Variants in SPATA13 observed in about 807,000 individuals in gnomAD.
The protein encoded by SPATA13 is spermatogenesis associated 13, also known as spermatogenesis-associated protein 13.
Under a neutral mutation model 104.0 loss-of-function variants are expected in SPATA13, and 50 were observed. The ratio of observed to expected loss-of-function variants is 0.48; its 90% CI spans 0.38 to 0.61. SPATA13 has a LOEUF of 0.61. Among genes scored for constraint, SPATA13 ranks in the 20% least tolerant of loss-of-function variants. The pLI is 0.00. For synonymous variants in SPATA13, 606 were observed against 667.5 expected, an observed-to-expected ratio of 0.91 and a Z score of 1.42; for missense variants, 1,524 against 1,690.6, an observed-to-expected ratio of 0.90 and a Z score of 1.73.
intron 3 of SPATA13, among the ~76,000 whole-genome samples, chr13:24,035,631 A>T (rs759312440): frequency 2.6e-5 from 4 of 152,216 alleles, no homozygotes; most frequent in Non-Finnish European, 5.9e-5. Flanking sequence ...CCTGATTCAC[A>T]GGAGGCGTGT....
At chr13:24,035,665 T>C (rs1185075536) in intron 3 of SPATA13, among the ~76,000 whole-genome samples, 20 of 152,180 alleles carry the variant, frequency 1.3e-4, no homozygotes, top group Admixed American at 1.3e-3. Flanking sequence ...TTAGTTTATA[T>C]AAAGCAATGG....
At position 24,294,803 on chromosome 13, in the gene SPATA13, C is replaced by T. The variant is rs770141276; in HGVS notation, c.3145C>T (p.Arg1049Cys). The part of the protein sequence containing the change: ...MKNVACLINE[R>C]KRKLESIDKI... ...GAATGTGGCCTGTCTGATCAACGAG[C>T]GCAAGCGCAAGCTGGAGAGCATCGA... is the stretch of plus-strand genomic sequence containing the variant. The change falls in exon 10 of 13, where the codon CGC becomes TGC. Residue 1049 changes from arginine to cysteine, a missense_variant. Coordinates refer to ENST00000382108, the MANE Select transcript of SPATA13 (RefSeq NM_001166271.3). The T allele has an allele frequency of 1.2e-5, 19 of 1,611,282 alleles. No individual in the cohort carries two copies. The highest frequency in any genetic ancestry group is 5.3e-5 in the African/African-American group (4 of 74,906).
intron 3 of SPATA13, among the ~76,000 whole-genome samples, chr13:24,089,829 G>T (rs1448472233): frequency 6.6e-6 from 1 of 152,214 alleles, no homozygotes; most frequent in African/African-American, 2.4e-5. Flanking sequence ...GGAAGTCCAA[G>T]ATCAGAGCAC....
At chr13:24,193,149 C>G (rs547848386) in intron 1 of SPATA13, among the ~76,000 whole-genome samples, 6 of 152,254 alleles carry the variant, frequency 3.9e-5, no homozygotes, top group Non-Finnish European at 7.4e-5. Flanking sequence ...CTTCAGGAAG[C>G]TTTGTCTGGC....
At chr13:24,065,442 G>A (rs1258344319) in intron 3 of SPATA13, among the ~76,000 whole-genome samples, 1 of 152,158 alleles carries the variant, frequency 6.6e-6, no homozygotes, top group Non-Finnish European at 1.5e-5. Flanking sequence ...AGTCATAGAT[G>A]CTCTGGAAAT....
intron 11 of SPATA13, among the ~76,000 whole-genome samples, chr13:24,300,016 C>T (rs892733053): frequency 7.2e-5 from 11 of 152,294 alleles, no homozygotes; most frequent in African/African-American, 2.4e-4. Context: ...GCTCTCATAG[C>T]GTATGGGTGA....
chr13:24,111,989 A>G (rs989871841), intron 3 of SPATA13, among the ~76,000 whole-genome samples: 15 of 152,162 alleles, frequency 9.9e-5, no homozygotes, highest in Admixed American at 6.5e-5. Context: ...GATCGTTTTG[A>G]ATTGGATAAA....
At chr13:24,107,560 A>C (rs1218087558) in intron 3 of SPATA13, among the ~76,000 whole-genome samples, 1 of 152,092 alleles carries the variant, frequency 6.6e-6, no homozygotes, top group East Asian at 1.9e-4. Context: ...GAGAAAAATC[A>C]CCTCCTCACC....
At chr13:24,265,027 C>T (rs1874230841) in intron 4 of SPATA13, among the ~76,000 whole-genome samples, 1 of 152,142 alleles carries the variant, frequency 6.6e-6, no homozygotes, top group South Asian at 2.1e-4. Context: ...CACATTGCTC[C>T]AAGGTGAAAG....
chr13:24,151,128 A>G (rs1882088827), intron 3 of SPATA13, among the ~76,000 whole-genome samples: 1 of 152,250 alleles, frequency 6.6e-6, no homozygotes, highest in African/African-American at 2.4e-5. Context: ...GCTTGCCCCA[A>G]ATCACACAGT....
At chr13:24,185,283 G>T (rs764928385) in intron 1 of SPATA13, among the ~76,000 whole-genome samples, 3 of 152,122 alleles carry the variant, frequency 2.0e-5, no homozygotes, top group Non-Finnish European at 2.9e-5. Context: ...AAGTTTTACT[G>T]CTTGCTTTAT....
intron 4 of SPATA13, among the ~76,000 whole-genome samples, chr13:24,269,715 C>T (rs1566181900): frequency 6.7e-6 from 1 of 148,970 alleles, no homozygotes; most frequent in African/African-American, 2.5e-5. Flanking sequence ...ACCACAGGCA[C>T]ATGCCACTAT....
intron 3 of SPATA13, among the ~76,000 whole-genome samples, chr13:24,087,572 G>A (rs1401311472): frequency 6.6e-6 from 1 of 152,168 alleles, no homozygotes; most frequent in Admixed American, 6.6e-5. Flanking sequence ...GCTGCATATC[G>A]ATGAATGATT....
chr13:24,214,756 C>T (rs1223105456), intron 1 of SPATA13, among the ~76,000 whole-genome samples: 1 of 152,216 alleles, frequency 6.6e-6, no homozygotes, highest in Non-Finnish European at 1.5e-5. Context: ...TCTCACTTCC[C>T]ATTTGCTTCT....
chr13:24,248,174 C>T (rs1873269801), intron 2 of SPATA13, among the ~76,000 whole-genome samples: 1 of 152,238 alleles, frequency 6.6e-6, no homozygotes, highest in African/African-American at 2.4e-5. Context: ...TTTGAGGGGT[C>T]TGCTCAGACA....
At chr13:24,162,798 C>T (rs1280166289) in intron 1 of SPATA13, among the ~76,000 whole-genome samples, 2 of 152,220 alleles carry the variant, frequency 1.3e-5, no homozygotes, top group African/African-American at 4.8e-5. Flanking sequence ...GGCTTCTTGC[C>T]ACTGCCTAGC....
intron 3 of SPATA13, among the ~76,000 whole-genome samples, chr13:24,054,896 T>C (rs1215328383): frequency 6.6e-6 from 1 of 152,254 alleles, no homozygotes; most frequent in East Asian, 1.9e-4. Flanking sequence ...CGCTCACTTC[T>C]TGTGATCATA....
chr13:24,247,784 T>C (rs1484157248), intron 2 of SPATA13, among the ~76,000 whole-genome samples: 1 of 152,148 alleles, frequency 6.6e-6, no homozygotes, highest in Admixed American at 6.5e-5. Context: ...GCCCGGGCTC[T>C]GCATCCACTT....
chr13:24,097,838 G>A (rs976387172), intron 3 of SPATA13, among the ~76,000 whole-genome samples: 7 of 152,172 alleles, frequency 4.6e-5, no homozygotes, highest in African/African-American at 1.4e-4. Flanking sequence ...AAACGCAGGC[G>A]AGGGCCCCAC....
Sources: gnomAD v4.1 joint callset for allele counts (sites outside exome capture counted in the v4.1 genomes callset) on GRCh38, gnomAD v4.1.1 for gene constraint, MANE v1.5 for transcripts, NCBI Gene and HGNC (gene_info 2026-07-23, HGNC 2026-07-21) for gene names.